The following USP32 variants were observed in gnomAD, a reference collection of about 807,000 sequenced individuals.
USP32 encodes ubiquitin specific peptidase 32.
A neutral mutation model predicts 204.8 loss-of-function variants in USP32; 59 were observed. That is an observed-to-expected ratio of 0.29 (90% CI 0.23 to 0.36). USP32 has a LOEUF of 0.36. USP32 is among the 10% of genes least tolerant of loss of function. The pLI is 1.00. For synonymous variants in USP32, 517 were observed against 678.4 expected (o/e 0.76, Z 3.70); for missense variants, 1,160 against 1,946.4 (o/e 0.60, Z 7.60).
chr17:60,234,525 A>G (rs2085666025), intron 12 of USP32, among the ~76,000 whole-genome samples: 1 of 151,278 alleles, frequency 6.6e-6, no homozygotes, highest in Non-Finnish European at 1.5e-5. Flanking sequence ...CAGGAGATTG[A>G]GACCATCCTG....
intron 1 of USP32, among the ~76,000 whole-genome samples, chr17:60,363,882 G>A (rs1247759252): frequency 1.3e-5 from 2 of 151,944 alleles, no homozygotes; most frequent in Non-Finnish European, 2.9e-5. Context: ...GGAAGGGAGG[G>A]AGAAAGAAGG....
intron 5 of USP32, 145 bp from the exon 6 acceptor site, chr17:60,271,626 A>C: frequency 1.3e-6 from 1 of 779,270 alleles, no homozygotes; most frequent in South Asian, 3.4e-5. Flanking sequence ...AACAAAACTG[A>C]AATTTATTAT....
At chr17:60,383,353 G>A (rs936142633) in intron 1 of USP32, among the ~76,000 whole-genome samples, 3 of 151,532 alleles carry the variant, frequency 2.0e-5, no homozygotes, top group African/African-American at 2.4e-5. Flanking sequence ...TTTACCCCCC[G>A]ATCTGACAAA....
intron 1 of USP32, among the ~76,000 whole-genome samples, chr17:60,350,851 TC>T (rs2088930399): frequency 6.6e-6 from 1 of 152,094 alleles, no homozygotes; most frequent in South Asian, 2.1e-4. Flanking sequence ...ACTGCACACT[TC>T]ATCCACGTAA....
chr17:60,392,216 A>C (rs1598313531), upstream of USP32: 349 of 239,772 alleles, frequency 1.5e-3, no homozygotes, highest in East Asian at 3.9e-3. Flanking sequence ...TTCCCTCCTC[A>C]CGCCCTCTTG....
intron 1 of USP32, among the ~76,000 whole-genome samples, chr17:60,413,733 C>T (rs1340193421): frequency 6.6e-6 from 1 of 151,734 alleles, no homozygotes; most frequent in Non-Finnish European, 1.5e-5. Context: ...GGCATGGCAG[C>T]GTGTGCCTGT....
intron 5 of USP32, among the ~76,000 whole-genome samples, chr17:60,275,508 T>TACAC (rs532426553): frequency 2.0e-5 from 3 of 152,100 alleles, no homozygotes; most frequent in African/African-American, 7.2e-5. Flanking sequence ...TATACATACA[T>TACAC]ACACACACAT....
intron 2 of USP32, among the ~76,000 whole-genome samples, chr17:60,317,419 G>A (rs1417572261): frequency 6.6e-6 from 1 of 151,400 alleles, no homozygotes; most frequent in African/African-American, 2.4e-5. Context: ...GGGAGGCTGA[G>A]CTGGGAGGAT....
At chr17:60,237,142 CTAT>C (rs2085751817) in intron 11 of USP32, among the ~76,000 whole-genome samples, 5 of 151,070 alleles carry the variant, frequency 3.3e-5, no homozygotes, top group African/African-American at 1.2e-4. Context: ...ATCTATCTAT[CTAT>C]CTATCTATCT....
intron 2 of USP32, among the ~76,000 whole-genome samples, chr17:60,316,627 G>A (rs1598236489): frequency 6.6e-6 from 1 of 152,198 alleles, no homozygotes; most frequent in Admixed American, 6.5e-5. Context: ...GAGCACTTGA[G>A]GTCAGGAGTT....
intron 2 of USP32, among the ~76,000 whole-genome samples, chr17:60,311,999 T>C (rs2087866518): frequency 6.6e-6 from 1 of 152,256 alleles, no homozygotes; most frequent in Non-Finnish European, 1.5e-5. Flanking sequence ...GATACTGTTT[T>C]ATCATGGCTT....
chr17:60,317,071 A>G (rs1357305466), intron 2 of USP32, among the ~76,000 whole-genome samples: 2 of 152,216 alleles, frequency 1.3e-5, no homozygotes, highest in African/African-American at 4.8e-5. Flanking sequence ...TAACAGGTAC[A>G]GTATTTCTGT....
chr17:60,414,673 C>G (rs1166206957), intron 1 of USP32, among the ~76,000 whole-genome samples: 1 of 152,020 alleles, frequency 6.6e-6, no homozygotes, highest in African/African-American at 2.4e-5. Context: ...AGGAGATCCA[C>G]CCGCCTTGGC....
chr17:60,221,655 T>C (rs1469244531), intron 15 of USP32, among the ~76,000 whole-genome samples: 1 of 152,038 alleles, frequency 6.6e-6, no homozygotes, highest in African/African-American at 2.4e-5. Context: ...TACAGGAGTG[T>C]GCCACCACAC....
chr17:60,268,964 A>G (rs573522140), intron 7 of USP32, among the ~76,000 whole-genome samples: 1 of 152,340 alleles, frequency 6.6e-6, no homozygotes, highest in East Asian at 1.9e-4. Context: ...GAATGTATTT[A>G]TGCTTACAAA....
chr17:60,274,061 T>C (rs1226618525), intron 5 of USP32, among the ~76,000 whole-genome samples: 1 of 150,970 alleles, frequency 6.6e-6, no homozygotes, highest in Non-Finnish European at 1.5e-5. Context: ...CTATTGTAAG[T>C]ATCTCAGGAA....
At chr17:60,316,937 C>CA in intron 2 of USP32, among the ~76,000 whole-genome samples, 1 of 152,050 alleles carries the variant, frequency 6.6e-6, no homozygotes, top group East Asian at 1.9e-4. Context: ...AAGCCAGACA[C>CA]AAAATGGCAA....
rs144233314 is a variant in USP32, at chr17:60,209,522, G to A, written c.2446C>T (p.Pro816Ser). Residue 816 changes from proline (P) to serine (S), a missense_variant, in exon 22 of 34, where the codon CCC (proline) becomes TCC (serine). Coordinates refer to ENST00000300896, the MANE Select transcript of USP32 (RefSeq NM_032582.4). Reference protein sequence around the residue: ...KLRWTIAKYAPRFNGFQQQDS... With the variant: ...KLRWTIAKYASRFNGFQQQDS... ...TGTTGCTGAAACCCATTAAACCTGG[G>A]AGCATATTTTGCTATGGTCCACTAT... 11 of 1,594,474 alleles carry A rather than the reference G, an allele frequency of 6.9e-6. No homozygotes were observed. The highest frequency in any genetic ancestry group is 8.5e-6 in the Non-Finnish European group (10 of 1,174,728).
rs747652756 is a variant in USP32, at chr17:60,219,755, C to T, written c.1782G>A (p.Glu594=). 9.9e-6 allele frequency: 16 copies of T among 1,612,358 alleles called. No homozygotes were observed. Among genetic ancestry groups the T allele is most frequent in the African/African-American group, 1.3e-5 (1 of 74,548 alleles). Residue 594 remains glutamate, a synonymous_variant, in exon 16 of 34, where the codon GAG becomes GAA. Transcript: ENST00000300896. The stretch of plus-strand genomic sequence containing the variant: ...GAAGATAGCGGGGAAATAATTCCAG[C>T]TCTGGGATGTCTGTCTTGCTGTTCT... ...VIKNSKTDIP[E]LELFPRYLLF... is the part of the protein sequence containing the mutation.
Sources: gnomAD v4.1 joint callset for allele counts (sites outside exome capture counted in the v4.1 genomes callset) on GRCh38, gnomAD v4.1.1 for gene constraint, MANE v1.5 for transcripts, NCBI Gene and HGNC (gene_info 2026-07-23, HGNC 2026-07-21) for gene names.